Variants in PKIB observed in about 807,000 individuals in gnomAD.
PKIB encodes the protein PKI-beta.
PKIB carries 2 observed loss-of-function variants against 4.5 expected under a neutral mutation model. The observed-to-expected ratio is 0.44, with a 90% CI of 0.18 to 1.39. The LOEUF is 1.39. PKIB is among the 40% of genes most tolerant of loss of function. The probability of loss-of-function intolerance (pLI) is 0.27; values close to 1 mark genes in which losing one functional copy is unlikely to be tolerated. For synonymous variants in PKIB, 38 were observed against 36.0 expected (o/e 1.06, Z -0.20); for missense variants, 94 against 92.6 (o/e 1.02, Z -0.06).
At chr6:122,691,798 AGTC>A (rs1293855475) in intron 3 of PKIB, among the ~76,000 whole-genome samples, 8 of 152,064 alleles carry the variant, frequency 5.3e-5, no homozygotes, top group Non-Finnish European at 1.0e-4. Context: ...TATTTACTGT[AGTC>A]GTCTCAGTCT....
intron 3 of PKIB, among the ~76,000 whole-genome samples, chr6:122,675,759 A>C (rs898272741): frequency 6.6e-6 from 1 of 152,306 alleles, no homozygotes; most frequent in Non-Finnish European, 1.5e-5. Flanking sequence ...TCACAAACAA[A>C]TATTTTATTA....
At chr6:122,522,544 C>T (rs1412103708) in intron 2 of PKIB, among the ~76,000 whole-genome samples, 2 of 152,212 alleles carry the variant, frequency 1.3e-5, no homozygotes, top group Non-Finnish European at 2.9e-5. Context: ...AAGCTCAGGG[C>T]CCTGGTGGTG....
chr6:122,664,186 C>A (rs1312548725), intron 2 of PKIB, among the ~76,000 whole-genome samples: 2 of 152,162 alleles, frequency 1.3e-5, no homozygotes, highest in Non-Finnish European at 2.9e-5. Flanking sequence ...ATGTTTGAAG[C>A]CCAGCTTTCA....
At chr6:122,500,648 G>A (rs557276669) in intron 2 of PKIB, among the ~76,000 whole-genome samples, 1 of 152,214 alleles carries the variant, frequency 6.6e-6, no homozygotes, top group African/African-American at 2.4e-5. Context: ...AAACAAGTAG[G>A]CATTGCATTT....
At chr6:122,600,008 T>TCTATAGCTATAG (rs1562265148) in intron 3 of PKIB, among the ~76,000 whole-genome samples, 23 of 143,156 alleles carry the variant, frequency 1.6e-4, no homozygotes, top group African/African-American at 5.6e-4. Flanking sequence ...TATATCTATA[T>TCTATAGCTATAG]CTATATCTAT....
intron 2 of PKIB, chr6:122,484,272 A>G (rs574537666): frequency 1.3e-5 from 2 of 152,324 alleles, no homozygotes; most frequent in East Asian, 3.8e-4. Flanking sequence ...TCAAATATCT[A>G]AAAGCTAATG....
chr6:122,710,370 GAACTTCAAAATCAC>G (rs1256972207), intron 3 of PKIB, among the ~76,000 whole-genome samples: 1 of 152,038 alleles, frequency 6.6e-6, no homozygotes, highest in Non-Finnish European at 1.5e-5. Flanking sequence ...CAGACCACAA[GAACTTCAAAATCAC>G]ATTGTACACA....
chr6:122,596,403 G>A (rs1193871052), intron 3 of PKIB, among the ~76,000 whole-genome samples: 1 of 152,206 alleles, frequency 6.6e-6, no homozygotes, highest in African/African-American at 2.4e-5. Flanking sequence ...ACTTCCTCAT[G>A]TAACTTACTT....
At chr6:122,532,170 A>T (rs1777278217) in intron 2 of PKIB, among the ~76,000 whole-genome samples, 1 of 152,206 alleles carries the variant, frequency 6.6e-6, no homozygotes, top group African/African-American at 2.4e-5. Context: ...GATAACAATT[A>T]ACTAAGGTGA....
chr6:122,509,953 T>C (rs1776533771), intron 2 of PKIB, among the ~76,000 whole-genome samples: 1 of 151,844 alleles, frequency 6.6e-6, no homozygotes, highest in South Asian at 2.1e-4. Flanking sequence ...GCCTTGGGTG[T>C]TAGTTTTTTT....
chr6:122,572,879 T>G (rs571123758), intron 2 of PKIB, among the ~76,000 whole-genome samples: 1 of 151,934 alleles, frequency 6.6e-6, no homozygotes, highest in Admixed American at 6.6e-5. Flanking sequence ...CTAGAGGAAA[T>G]GGATAACTTC....
intron 3 of PKIB, among the ~76,000 whole-genome samples, chr6:122,684,515 A>G (rs1223288277): frequency 6.6e-6 from 1 of 152,120 alleles, no homozygotes; most frequent in Non-Finnish European, 1.5e-5. Context: ...CACCATGTCC[A>G]CTAGTAATCT....
chr6:122,705,860 G>T (rs1779037553), intron 3 of PKIB, among the ~76,000 whole-genome samples: 1 of 152,206 alleles, frequency 6.6e-6, no homozygotes, highest in Admixed American at 6.5e-5. Flanking sequence ...CACTGCGCCT[G>T]GCCAGAAAAT....
chr6:122,686,515 C>T (rs940556283), intron 3 of PKIB, among the ~76,000 whole-genome samples: 5 of 150,106 alleles, frequency 3.3e-5, no homozygotes, highest in African/African-American at 7.3e-5. Flanking sequence ...TTTTATTTTT[C>T]GAGAAAGGAT....
intron 2 of PKIB, among the ~76,000 whole-genome samples, chr6:122,663,089 G>C (rs1777073153): frequency 6.6e-6 from 1 of 152,118 alleles, no homozygotes; most frequent in Admixed American, 6.6e-5. Flanking sequence ...AAACTTCTGG[G>C]CATGGGTAAT....
intron 1 of PKIB, among the ~76,000 whole-genome samples, chr6:122,610,936 G>A (rs1774727505): frequency 6.6e-6 from 1 of 152,192 alleles, no homozygotes; most frequent in African/African-American, 2.4e-5. Flanking sequence ...GCCCCGGGTA[G>A]TCACGAGCGG....
At chr6:122,626,820 T>C (rs1775463811) in intron 1 of PKIB, among the ~76,000 whole-genome samples, 1 of 152,302 alleles carries the variant, frequency 6.6e-6, no homozygotes, top group South Asian at 2.1e-4. Context: ...AACACACAGA[T>C]CCTTCTTAAT....
At chr6:122,574,002 T>C (rs1773452776) in intron 2 of PKIB, among the ~76,000 whole-genome samples, 2 of 152,202 alleles carry the variant, frequency 1.3e-5, no homozygotes, top group Non-Finnish European at 2.9e-5. Flanking sequence ...ACCCATGATA[T>C]GATCATATAC....
chr6:122,488,673 T>C (rs1775843727), intron 2 of PKIB, among the ~76,000 whole-genome samples: 1 of 152,124 alleles, frequency 6.6e-6, no homozygotes, highest in Non-Finnish European at 1.5e-5. Context: ...TATATTATTC[T>C]TTCATTTCTC....
Sources: allele counts gnomAD v4.1 joint callset (sites outside exome capture counted in the v4.1 genomes callset), GRCh38; gene constraint gnomAD v4.1.1; transcripts MANE v1.5; gene names NCBI Gene and HGNC (gene_info 2026-07-23, HGNC 2026-07-21).